The following DIAPH3 variants were observed in gnomAD, a reference collection of about 807,000 sequenced individuals.
DIAPH3 encodes protein diaphanous homolog 3.
DIAPH3 carries 117 observed loss-of-function variants against 144.3 expected under a neutral mutation model. That is an observed-to-expected ratio of 0.81 (90% CI 0.70 to 0.95). The LOEUF is 0.95. Ranked by LOEUF, DIAPH3 falls within the 40% of genes least tolerant of loss-of-function variation. The pLI is 0.00. For synonymous variants in DIAPH3, 519 were observed against 488.9 expected, an observed-to-expected ratio of 1.06 and a Z score of -0.81; for missense variants, 1,421 against 1,412.7, an observed-to-expected ratio of 1.01 and a Z score of -0.09.
intron 12 of DIAPH3, among the ~76,000 whole-genome samples, chr13:59,988,193 A>G (rs1269865160): frequency 1.3e-5 from 2 of 151,848 alleles, no homozygotes; most frequent in African/African-American, 4.8e-5. Context: ...TCCTGGGTAC[A>G]AATCAAAAGT....
At chr13:59,671,643 A>C (rs1327715458) in intron 27 of DIAPH3, among the ~76,000 whole-genome samples, 1 of 152,236 alleles carries the variant, frequency 6.6e-6, no homozygotes, top group African/African-American at 2.4e-5. Context: ...AAGAAAATGC[A>C]ATCCACACAT....
At chr13:59,820,424 A>G (rs1168313765) in intron 24 of DIAPH3, among the ~76,000 whole-genome samples, 1 of 151,948 alleles carries the variant, frequency 6.6e-6, no homozygotes, top group African/African-American at 2.4e-5. Context: ...ATTGTTTTTA[A>G]TATTCTAAAT....
At chr13:59,719,617 T>C (rs1036608283) in intron 27 of DIAPH3, among the ~76,000 whole-genome samples, 5 of 152,064 alleles carry the variant, frequency 3.3e-5, no homozygotes, top group Non-Finnish European at 2.9e-5. Flanking sequence ...TCATGTGAAG[T>C]ACCCTGCAAC....
intron 27 of DIAPH3, among the ~76,000 whole-genome samples, chr13:59,727,012 T>C (rs376247077): frequency 2.6e-5 from 4 of 152,262 alleles, no homozygotes; most frequent in African/African-American, 9.6e-5. Flanking sequence ...TTCAAAGAAA[T>C]AGAAATGGGT....
chr13:59,866,356 A>G (rs1042996852), intron 21 of DIAPH3, among the ~76,000 whole-genome samples: 3 of 152,072 alleles, frequency 2.0e-5, no homozygotes, highest in Non-Finnish European at 2.9e-5. Context: ...GTGAATACAA[A>G]GCTCTTATCC....
At chr13:59,795,787 G>C (rs758055816) in intron 25 of DIAPH3, among the ~76,000 whole-genome samples, 2 of 152,074 alleles carry the variant, frequency 1.3e-5, no homozygotes, top group African/African-American at 2.4e-5. Flanking sequence ...GGCTTGCTAT[G>C]GTTTCACAAC....
chr13:59,728,200 C>T (rs568187059), intron 27 of DIAPH3, among the ~76,000 whole-genome samples: 29 of 152,064 alleles, frequency 1.9e-4, no homozygotes, highest in African/African-American at 6.0e-4. Flanking sequence ...CTAGACACCC[C>T]CACTGGTTAC....
intron 9 of DIAPH3, among the ~76,000 whole-genome samples, chr13:60,001,784 G>A (rs1473053092): frequency 2.0e-5 from 3 of 152,178 alleles, no homozygotes; most frequent in Non-Finnish European, 2.9e-5. Context: ...GCAACTCTTA[G>A]GCAACTATGG....
intron 14 of DIAPH3, 121 bp downstream of exon 14, chr13:59,980,674 C>G: frequency 1.1e-6 from 1 of 888,002 alleles, no homozygotes; most frequent in Non-Finnish European, 1.8e-6. Context: ...TGGAGGGCAT[C>G]TATGCACACA....
intron 14 of DIAPH3, among the ~76,000 whole-genome samples, chr13:59,975,263 T>G (rs1376976229): frequency 6.6e-6 from 1 of 151,998 alleles, no homozygotes; most frequent in Non-Finnish European, 1.5e-5. Context: ...CTCCACATTT[T>G]AAATACACTC....
intron 17 of DIAPH3, among the ~76,000 whole-genome samples, chr13:59,927,165 A>G (rs773627438): frequency 6.6e-6 from 1 of 152,132 alleles, no homozygotes; most frequent in Non-Finnish European, 1.5e-5. Context: ...TTTCATTTAC[A>G]TACATTACAT....
intron 17 of DIAPH3, among the ~76,000 whole-genome samples, chr13:59,950,954 AT>A (rs2049064435): frequency 6.6e-6 from 1 of 152,082 alleles, no homozygotes; most frequent in Admixed American, 6.6e-5. Context: ...TTAGGGTGGT[AT>A]TTTTTTCTTT....
intron 2 of DIAPH3, among the ~76,000 whole-genome samples, chr13:60,124,226 C>T (rs940308708): frequency 2.6e-5 from 4 of 152,178 alleles, no homozygotes; most frequent in African/African-American, 9.7e-5. Context: ...TCACTAGAAC[C>T]TACATCCACA....
chr13:59,871,465 C>G (rs1041084182), intron 21 of DIAPH3, among the ~76,000 whole-genome samples: 1 of 152,040 alleles, frequency 6.6e-6, no homozygotes, highest in Non-Finnish European at 1.5e-5. Flanking sequence ...TGAGGAAGTT[C>G]CCCTCTACCC....
At chr13:60,129,767 T>C (rs1278246161) in intron 2 of DIAPH3, among the ~76,000 whole-genome samples, 1 of 152,190 alleles carries the variant, frequency 6.6e-6, no homozygotes, top group Non-Finnish European at 1.5e-5. Flanking sequence ...TGCCAGTACA[T>C]ATCAAAGCAT....
intron 1 of DIAPH3, among the ~76,000 whole-genome samples, chr13:60,134,845 C>T (rs1397948626): frequency 6.6e-6 from 1 of 152,064 alleles, no homozygotes; most frequent in African/African-American, 2.4e-5. Flanking sequence ...AAGAGAAAAA[C>T]ATCTACTTAA....
chr13:60,157,789 C>A (rs1027702960), intron 1 of DIAPH3, among the ~76,000 whole-genome samples: 1 of 152,158 alleles, frequency 6.6e-6, no homozygotes, highest in African/African-American at 2.4e-5. Flanking sequence ...TCAAACTGCA[C>A]ATACTGTCCC....
At chr13:59,814,202 TCTG>T (rs1343362747) in intron 24 of DIAPH3, among the ~76,000 whole-genome samples, 3 of 152,192 alleles carry the variant, frequency 2.0e-5, no homozygotes, top group Non-Finnish European at 4.4e-5. Flanking sequence ...TAATAGGCAA[TCTG>T]CTATCAGATA....
Position 60,125,394 on chromosome 13 carries a change from A to ATTTTTTTTTTTTTTTT in DIAPH3, c.213+7547_213+7562dup, listed in dbSNP as rs56267083. Among the ~76,000 whole-genome samples the ATTTTTTTTTTTTTTTT allele has an allele frequency of 2.0e-4, 20 of 97,866 alleles. 2 individuals are homozygous for ATTTTTTTTTTTTTTTT. The highest frequency in any genetic ancestry group is 5.9e-3 in the Middle Eastern group (1 of 170). The allele number at this position is 97,866 out of a possible 152,430, so 64.2% of individuals were successfully genotyped here. A position where few individuals can be genotyped will look rare whatever the true frequency, so the allele number is the denominator to read the frequency against. ...ATCTGCATACCATCACACCCAGCTA[A>ATTTTTTTTTTTTTTTT]TTTTTTTTTTTTTTTTTTTTTTTTT... On this transcript the variant is annotated intron_variant, in intron 2 of 27. Transcript: ENST00000400324.
Sources: allele counts gnomAD v4.1 joint callset (sites outside exome capture counted in the v4.1 genomes callset), GRCh38; gene constraint gnomAD v4.1.1; transcripts MANE v1.5; gene names NCBI Gene and HGNC (gene_info 2026-07-23, HGNC 2026-07-21).